Variants in NR1H3 observed in about 807,000 individuals in gnomAD.
The protein encoded by NR1H3 is nuclear receptor subfamily 1 group H member 3, also known as oxysterols receptor LXR-alpha.
In NR1H3, 19 loss-of-function variants were observed where a neutral mutation model predicts 48.1. That is an observed-to-expected ratio of 0.40 (90% CI 0.28 to 0.58). The LOEUF is 0.58. Among genes scored for constraint, NR1H3 ranks in the 20% least tolerant of loss-of-function variants. The probability of loss-of-function intolerance (pLI) is 0.50; values close to 1 mark genes in which losing one functional copy is unlikely to be tolerated. For missense variants in NR1H3, 486 were observed against 595.9 expected (o/e 0.82, Z 1.92); for synonymous variants, 232 against 227.3 (o/e 1.02, Z -0.19).
intron 9 of NR1H3, 27 bp from the exon 10 acceptor site, chr11:47,268,523 C>T: frequency 1.2e-6 from 2 of 1,614,010 alleles, no homozygotes; most frequent in Non-Finnish European, 1.7e-6. Context: ...CAGGCAAAAG[C>T]TGTGTTTGTC....
At position 47,261,997 on chromosome 11, in the gene NR1H3, C is replaced by T. The variant is rs779896588; in HGVS notation, c.967C>T (p.Arg323Trp). The change falls in exon 7 of 10, where the codon CGG (arginine) becomes TGG (tryptophan). Residue 323 changes from arginine to tryptophan, a missense_variant. Arg to Trp is a moderately radical substitution (Grantham distance 101). Transcript: ENST00000441012. ...CTTCCTCAAGGATTTCAGTTATAAC[C>T]GGGAAGACTTTGCCAAAGCAGGTGA... ...ITFLKDFSYNREDFAKAGLQV... is the reference protein window; with the variant it reads ...ITFLKDFSYNWEDFAKAGLQV... 11 of 1,613,006 alleles carry T rather than the reference C, an allele frequency of 6.8e-6. No homozygotes were observed. The highest frequency in any genetic ancestry group is 2.2e-5 in the South Asian group (2 of 91,046).
upstream of NR1H3, among the ~76,000 whole-genome samples, chr11:47,257,086 C>T (rs1229497342): frequency 6.6e-6 from 1 of 152,220 alleles, no homozygotes; most frequent in Non-Finnish European, 1.5e-5. Context: ...ACAGTACCTA[C>T]TCTGTTGCCA....
At chr11:47,256,840 T>C (rs1955228454), upstream of NR1H3, among the ~76,000 whole-genome samples, 1 of 151,226 alleles carries the variant, frequency 6.6e-6, no homozygotes, top group Non-Finnish European at 1.5e-5. Context: ...ACGCCATTCT[T>C]CTGTCTCAGC....
chr11:47,254,857 C>A (rs1954944776), upstream of NR1H3, among the ~76,000 whole-genome samples: 1 of 151,996 alleles, frequency 6.6e-6, no homozygotes, highest in Non-Finnish European at 1.5e-5. Context: ...CCATCTACAC[C>A]CCCTGTCCAC....
At chr11:47,264,266 AG>A (rs1405415246) in intron 7 of NR1H3, among the ~76,000 whole-genome samples, 2 of 152,200 alleles carry the variant, frequency 1.3e-5, no homozygotes, top group Non-Finnish European at 2.9e-5. Flanking sequence ...CTCCACTCTC[AG>A]GGCTGGTAGA....
chr11:47,254,692 C>T (rs1239018502), upstream of NR1H3, among the ~76,000 whole-genome samples: 3 of 152,138 alleles, frequency 2.0e-5, no homozygotes, highest in African/African-American at 7.2e-5. Context: ...AATACATGGG[C>T]AGATTTTGCA....
At chr11:47,257,945 C>T, upstream of NR1H3, 1 of 985,490 alleles carries the variant, frequency 1.0e-6, no homozygotes, top group East Asian at 1.1e-4. Context: ...GACCCCTCGG[C>T]AGTCCCTCCC....
At chr11:47,263,529 G>A (rs1476536235) in intron 7 of NR1H3, among the ~76,000 whole-genome samples, 1 of 151,152 alleles carries the variant, frequency 6.6e-6, no homozygotes, top group Non-Finnish European at 1.5e-5. Context: ...ACCCACCTCG[G>A]CCTCCCAATG....
chr11:47,261,782 A>AG, intron 6 of NR1H3, 56 bp downstream of exon 6: 1 of 1,611,466 alleles, frequency 6.2e-7, no homozygotes, highest in Admixed American at 1.7e-5. Flanking sequence ...TATCTGTGGG[A>AG]GGGGCCTCCA....
At chr11:47,248,781 G>C (rs1441244097), upstream of NR1H3, 1 of 1,595,000 alleles carries the variant, frequency 6.3e-7, no homozygotes, top group East Asian at 2.3e-5. Context: ...CGGACCGCTT[G>C]CCCGCCATCA....
intron 4 of NR1H3, 128 bp from the exon 5 acceptor site, chr11:47,261,113 G>A (rs1955803669): frequency 2.9e-6 from 2 of 681,474 alleles, no homozygotes; most frequent in Non-Finnish European, 2.5e-6. Context: ...CCTTTACCCA[G>A]TGCTGTCTGC....
intron 4 of NR1H3, among the ~76,000 whole-genome samples, chr11:47,261,027 G>A (rs1955790170): frequency 6.6e-6 from 1 of 151,976 alleles, no homozygotes; most frequent in African/African-American, 2.4e-5. Flanking sequence ...GGAGGTTGCA[G>A]TGTGCCAAGA....
chr11:47,254,578 C>T (rs1314979811), upstream of NR1H3, among the ~76,000 whole-genome samples: 2 of 152,054 alleles, frequency 1.3e-5, no homozygotes, highest in African/African-American at 4.8e-5. Context: ...AGGGTGGGGG[C>T]CTTGGGAGGG....
upstream of NR1H3, chr11:47,248,332 A>G (rs1238049695): frequency 9.0e-7 from 1 of 1,114,784 alleles, no homozygotes; most frequent in African/African-American, 1.6e-5. Context: ...GCTACTGGAG[A>G]CCATAGGCAA....
intron 7 of NR1H3, among the ~76,000 whole-genome samples, chr11:47,265,915 G>A (rs559238600): frequency 2.6e-5 from 4 of 152,214 alleles, no homozygotes; most frequent in Admixed American, 2.6e-4. Flanking sequence ...TTATGTGGTA[G>A]TTACCATATA....
upstream of NR1H3, among the ~76,000 whole-genome samples, chr11:47,254,149 C>T (rs1055265372): frequency 1.3e-5 from 2 of 152,170 alleles, no homozygotes; most frequent in South Asian, 4.1e-4. Flanking sequence ...CTAGCCTGCC[C>T]ACCCCCACTC....
At chr11:47,260,283 AAG>A in intron 3 of NR1H3, 124 bp from the exon 4 acceptor site, 1 of 1,330,988 alleles carries the variant, frequency 7.5e-7, no homozygotes, top group Non-Finnish European at 1.0e-6. Context: ...CTTCTCATAA[AAG>A]AGAGACTGGA....
chr11:47,260,104 A>T (rs968528950), intron 3 of NR1H3, 125 bp downstream of exon 3: 1 of 921,532 alleles, frequency 1.1e-6, no homozygotes, highest in Non-Finnish European at 1.6e-6. Flanking sequence ...CTTTAGAGCT[A>T]ACTAAATCTG....
At chr11:47,255,251 C>T (rs969000257), upstream of NR1H3, among the ~76,000 whole-genome samples, 2 of 152,230 alleles carry the variant, frequency 1.3e-5, no homozygotes, top group Non-Finnish European at 2.9e-5. Context: ...GATCCCAGCC[C>T]AGCCACTAAC....
Sources: allele counts gnomAD v4.1 joint callset (sites outside exome capture counted in the v4.1 genomes callset), GRCh38; gene constraint gnomAD v4.1.1; transcripts MANE v1.5; gene names NCBI Gene and HGNC (gene_info 2026-07-23, HGNC 2026-07-21).